Variants in PRKCA observed in about 807,000 individuals in gnomAD.
The protein encoded by PRKCA is protein kinase C alpha, also known as protein kinase C alpha type.
Under a neutral mutation model 87.0 loss-of-function variants are expected in PRKCA, and 27 were observed. The ratio of observed to expected loss-of-function variants is 0.31; its 90% CI spans 0.23 to 0.43. PRKCA has a LOEUF of 0.43. PRKCA is among the 20% of genes least tolerant of loss of function. The pLI is 1.00. For synonymous variants in PRKCA, 329 were observed against 311.1 expected, an observed-to-expected ratio of 1.06 and a Z score of -0.61; for missense variants, 518 against 852.3, an observed-to-expected ratio of 0.61 and a Z score of 4.88.
At chr17:66,400,708 T>G (rs929798512) in intron 2 of PRKCA, among the ~76,000 whole-genome samples, 1 of 152,220 alleles carries the variant, frequency 6.6e-6, no homozygotes, top group East Asian at 1.9e-4. Context: ...AATTTTCCAT[T>G]GTGGTTACAA....
intron 3 of PRKCA, among the ~76,000 whole-genome samples, chr17:66,605,270 T>C (rs1182512282): frequency 1.3e-5 from 2 of 152,220 alleles, no homozygotes; most frequent in African/African-American, 4.8e-5. Context: ...TAGAATTCCC[T>C]CTGGTCACTC....
rs189374600 is a variant in PRKCA at position 66,579,594 on chromosome 17, C to T, written c.289-61761C>T. On this transcript the variant is annotated intron_variant, in intron 3 of 16. Transcript: ENST00000413366. ...AGGCCAGTGGGCATGCCTGAGCTCACGTGGCTGGTAGGGTGGTGGGATTTG... is the reference window on the plus strand; with the variant it reads ...AGGCCAGTGGGCATGCCTGAGCTCATGTGGCTGGTAGGGTGGTGGGATTTG... 8.9e-4 allele frequency among the ~76,000 whole-genome samples: 135 copies of T among 152,244 alleles called. 1 individual carries two copies. Among genetic ancestry groups the T allele is most frequent in the Admixed American group, 8.7e-3 (133 of 15,292 alleles).
intron 2 of PRKCA, among the ~76,000 whole-genome samples, chr17:66,423,447 C>G (rs962090484): frequency 3.9e-5 from 6 of 152,102 alleles, no homozygotes; most frequent in African/African-American, 1.4e-4. Flanking sequence ...TATCTATAAA[C>G]AAGGGATTTA....
At chr17:66,466,223 C>T (rs959091542) in intron 2 of PRKCA, among the ~76,000 whole-genome samples, 3 of 152,080 alleles carry the variant, frequency 2.0e-5, no homozygotes, top group African/African-American at 4.8e-5. Flanking sequence ...TTTCTGTAGT[C>T]GGTGAATGAA....
At chr17:66,484,729 A>G (rs1186245994) in intron 2 of PRKCA, among the ~76,000 whole-genome samples, 2 of 152,228 alleles carry the variant, frequency 1.3e-5, no homozygotes, top group Non-Finnish European at 2.9e-5. Flanking sequence ...TCTTCTTGCA[A>G]CTTTAATAAT....
At chr17:66,777,181 G>A (rs4528612) in intron 14 of PRKCA, 210,772 of 984,622 alleles carry the variant, frequency 0.21, 22,739 homozygotes, top group East Asian at 0.29. Flanking sequence ...GCCCATGTCC[G>A]AACAGCCACC....
intron 2 of PRKCA, among the ~76,000 whole-genome samples, chr17:66,435,917 A>G (rs770394281): frequency 2.4e-4 from 36 of 152,080 alleles, no homozygotes; most frequent in Non-Finnish European, 4.6e-4. Context: ...GCTCTGTTGA[A>G]CCTAGTAGTG....
At chr17:66,444,031 G>A (rs1343291933) in intron 2 of PRKCA, among the ~76,000 whole-genome samples, 2 of 152,176 alleles carry the variant, frequency 1.3e-5, no homozygotes, top group Non-Finnish European at 2.9e-5. Flanking sequence ...CTGAGTCTCA[G>A]TTTCTCATTC....
chr17:66,346,832 C>G (rs913619746), intron 2 of PRKCA, among the ~76,000 whole-genome samples: 1 of 151,970 alleles, frequency 6.6e-6, no homozygotes, highest in African/African-American at 2.4e-5. Flanking sequence ...AGTTCGAGAC[C>G]AGCCCTGGCC....
intron 3 of PRKCA, among the ~76,000 whole-genome samples, chr17:66,612,692 T>C (rs973457775): frequency 3.3e-5 from 5 of 151,714 alleles, no homozygotes; most frequent in Non-Finnish European, 5.9e-5. Flanking sequence ...GAGATTCATA[T>C]GTGCAATTGA....
intron 2 of PRKCA, among the ~76,000 whole-genome samples, chr17:66,474,279 C>T (rs1339389531): frequency 6.6e-6 from 1 of 152,134 alleles, no homozygotes; most frequent in Non-Finnish European, 1.5e-5. Context: ...GTGACATTGT[C>T]TCTGTTTTCT....
chr17:66,323,680 C>A (rs112255900), intron 2 of PRKCA, among the ~76,000 whole-genome samples: 1 of 152,140 alleles, frequency 6.6e-6, no homozygotes, highest in Non-Finnish European at 1.5e-5. Context: ...TGGCTCATGC[C>A]TGTAATCCCA....
At chr17:66,602,563 C>G (rs1970079241) in intron 3 of PRKCA, among the ~76,000 whole-genome samples, 1 of 152,204 alleles carries the variant, frequency 6.6e-6, no homozygotes, top group South Asian at 2.1e-4. Flanking sequence ...TAGACCGGAG[C>G]TGTTCCTATT....
At chr17:66,306,284 T>G in intron 2 of PRKCA, 157 bp downstream of exon 2, 1 of 656,320 alleles carries the variant, frequency 1.5e-6, no homozygotes, top group Non-Finnish European at 2.5e-6. Flanking sequence ...AAAAAATAAT[T>G]GGGGCCTACT....
At chr17:66,420,633 G>A (rs562395464) in intron 2 of PRKCA, among the ~76,000 whole-genome samples, 71 of 152,284 alleles carry the variant, frequency 4.7e-4, no homozygotes, top group Non-Finnish European at 7.6e-4. Flanking sequence ...GCTCGGCTAC[G>A]ATATGGTGTT....
chr17:66,429,473 C>T (rs1243392855), intron 2 of PRKCA, among the ~76,000 whole-genome samples: 1 of 152,180 alleles, frequency 6.6e-6, no homozygotes, highest in Non-Finnish European at 1.5e-5. Flanking sequence ...TTTTCTACTT[C>T]ACTGTGGTTT....
chr17:66,476,725 T>C (rs1598704655), intron 2 of PRKCA, among the ~76,000 whole-genome samples: 1 of 152,228 alleles, frequency 6.6e-6, no homozygotes, highest in Non-Finnish European at 1.5e-5. Context: ...TTCTTGTTAG[T>C]TGGATTCTCT....
At chr17:66,509,661 C>A (rs746764124) in intron 3 of PRKCA, among the ~76,000 whole-genome samples, 1 of 152,170 alleles carries the variant, frequency 6.6e-6, no homozygotes, top group African/African-American at 2.4e-5. Context: ...CCCAGAATAA[C>A]GTATGACCAA....
intron 8 of PRKCA, among the ~76,000 whole-genome samples, chr17:66,704,323 A>T (rs1973139472): frequency 1.3e-5 from 2 of 152,180 alleles, no homozygotes; most frequent in South Asian, 4.1e-4. Context: ...ACTTCGCTCA[A>T]TTTTAATTTG....
Sources: allele counts gnomAD v4.1 joint callset (sites outside exome capture counted in the v4.1 genomes callset), GRCh38; gene constraint gnomAD v4.1.1; transcripts MANE v1.5; gene names NCBI Gene and HGNC (gene_info 2026-07-23, HGNC 2026-07-21).